The following ZNF208 variants were observed in gnomAD, a reference collection of about 807,000 sequenced individuals.
ZNF208 encodes zinc finger protein 208.
Under a neutral mutation model 12.1 loss-of-function variants are expected in ZNF208, and 10 were observed. That is an observed-to-expected ratio of 0.83 (90% confidence interval 0.51 to 1.40). The LOEUF (loss-of-function observed/expected upper bound fraction) is 1.40. ZNF208 is among the 40% of genes most tolerant of loss of function. The pLI, the probability that ZNF208 is intolerant of heterozygous loss-of-function variation, is 0.00. For missense variants in ZNF208, 1,652 were observed against 1,485.0 expected, an observed-to-expected ratio of 1.11 and a Z score of -1.85; for synonymous variants, 497 against 488.4, an observed-to-expected ratio of 1.02 and a Z score of -0.23.
At chr19:22,009,746 CA>C (rs567429006) in intron 1 of ZNF208, among the ~76,000 whole-genome samples, 2,451 of 108,156 alleles carry the variant, frequency 0.023, 40 homozygotes, top group African/African-American at 0.069. Context: ...GACTTGGTCT[CA>C]AAAAAAAAAA....
chr19:21,961,508 T>C (rs2522101), downstream of ZNF208, among the ~76,000 whole-genome samples: 93,594 of 151,710 alleles, frequency 0.62, 29,569 homozygotes, highest in African/African-American at 0.74. Flanking sequence ...CAACAGAAAA[T>C]TGGGTTCGAG....
intron 1 of ZNF208, among the ~76,000 whole-genome samples, chr19:22,004,172 TG>T: frequency 6.6e-6 from 1 of 150,740 alleles, no homozygotes; most frequent in East Asian, 2.0e-4. Context: ...GGTGAGACCC[TG>T]TCTCCAAAAA....
Position 21,974,729 on chromosome 19 carries a change from C to A in ZNF208, c.305G>T (p.Arg102Met). 7 of 1,612,676 alleles carry A rather than the reference C, an allele frequency of 4.3e-6. No individual in the cohort carries two copies. Among genetic ancestry groups the A allele is most frequent in the Non-Finnish European group, 5.9e-6 (7 of 1,179,416 alleles). Residue 102 changes from arginine (R) to methionine (M), a missense_variant, in exon 4 of 4, where the codon AGG becomes ATG. This residue lies in a region of ZNF208 where 410 missense variants were observed against 378.2 expected (regional missense o/e 1.08). Transcript: ENST00000397126. ...EDSFQKVILRRYEKCGHENLH... is the reference protein window; with the variant it reads ...EDSFQKVILRMYEKCGHENLH... ...ATTCTCATGTCCACATTTTTCATACCTTCTCAATATCACTTTTTGGAAAGA... is the reference window on the plus strand; with the variant it reads ...ATTCTCATGTCCACATTTTTCATACATTCTCAATATCACTTTTTGGAAAGA...
rs562002063 is a variant in ZNF208 at position 21,969,911 on chromosome 19, AT to A, written c.*1279del. ...GAAGATATTACTGGCATTAACAAAAATTTTTTTTTCCAGACAGTCTCTCTCT... is the reference window on the plus strand; with the variant it reads ...GAAGATATTACTGGCATTAACAAAAATTTTTTTTCCAGACAGTCTCTCTCT... On this transcript the variant is annotated 3_prime_UTR_variant, in exon 4 of 4. Coordinates refer to ENST00000397126, the MANE Select transcript of ZNF208 (RefSeq NM_007153.3). Among the ~76,000 whole-genome samples the A allele has an allele frequency of 0.018, 2,679 of 151,878 alleles. 68 individuals carry two copies. The highest frequency in any genetic ancestry group is 0.06 in the African/African-American group (2,488 of 41,422).
intron 1 of ZNF208, among the ~76,000 whole-genome samples, chr19:22,005,163 C>G (rs1971022989): frequency 6.6e-6 from 1 of 152,110 alleles, no homozygotes; most frequent in Non-Finnish European, 1.5e-5. Context: ...GCCAAAAAAA[C>G]CACTAGGATC....
downstream of ZNF208, among the ~76,000 whole-genome samples, chr19:21,962,204 G>C (rs12461800): frequency 0.15 from 23,097 of 151,970 alleles, 1,903 homozygotes; most frequent in Admixed American, 0.22. Context: ...CCCTCCATTT[G>C]GGGTCCTTGA....
At chr19:21,963,365 C>G (rs1361984944), downstream of ZNF208, among the ~76,000 whole-genome samples, 1 of 151,976 alleles carries the variant, frequency 6.6e-6, no homozygotes, top group Non-Finnish European at 1.5e-5. Context: ...AATAAACAAT[C>G]TTTTACTAAA....
At chr19:21,960,657 C>T (rs981517998) in intron 4 of ZNF208, among the ~76,000 whole-genome samples, 3 of 152,168 alleles carry the variant, frequency 2.0e-5, no homozygotes, top group African/African-American at 7.2e-5. Flanking sequence ...CCCACCTATC[C>T]TGAATGTCAA....
At chr19:21,995,734 T>G (rs996125087) in intron 1 of ZNF208, among the ~76,000 whole-genome samples, 21 of 152,332 alleles carry the variant, frequency 1.4e-4, no homozygotes, top group African/African-American at 5.1e-4. Context: ...ATAGTTGTGG[T>G]CATGGCTCTG....
downstream of ZNF208, chr19:21,965,931 T>C (rs1036362190): frequency 3.1e-4 from 47 of 151,862 alleles, no homozygotes; most frequent in African/African-American, 1.1e-3. Flanking sequence ...CACTTGAAAA[T>C]AAAACACTTT....
At chr19:22,000,152 G>A (rs181978375) in intron 1 of ZNF208, among the ~76,000 whole-genome samples, 1 of 152,266 alleles carries the variant, frequency 6.6e-6, no homozygotes, top group East Asian at 1.9e-4. Context: ...ACAGATCATT[G>A]AAGAAGAAAA....
At chr19:22,006,518 T>A (rs542611064) in intron 1 of ZNF208, among the ~76,000 whole-genome samples, 1 of 152,252 alleles carries the variant, frequency 6.6e-6, no homozygotes, top group Admixed American at 6.5e-5. Context: ...ACCTCTTCTA[T>A]CTTAACCTTA....
In ZNF208 at chr19:21,968,609, T is replaced by C. The variant is rs1329595132; in HGVS notation, c.*2582A>G. The C allele has an allele frequency of 6.6e-6, 1 of 152,178 alleles. No homozygotes were observed. The highest frequency in any genetic ancestry group is 1.9e-4 in the East Asian group (1 of 5,190). 9.4% of individuals were successfully genotyped at this position (152,178 alleles called of 1,614,324 possible). A position where few individuals can be genotyped will look rare whatever the true frequency, so the allele number is the denominator to read the frequency against. ...TTTGCTAGTATTTCATGGAGGATTA[T>C]TATTCCAATATTCACCCAGAATATT... On this transcript the variant is annotated 3_prime_UTR_variant, in exon 4 of 4. Coordinates refer to ENST00000397126, the MANE Select transcript of ZNF208 (RefSeq NM_007153.3).
At position 21,973,742 on chromosome 19, in the gene ZNF208, C is replaced by A; in HGVS notation, c.1292G>T (p.Gly431Val). 2 of 1,612,730 alleles carry A rather than the reference C, an allele frequency of 1.2e-6. No individual in the cohort carries two copies. The highest frequency in any genetic ancestry group is 1.1e-5 in the South Asian group (1 of 90,948). The part of the protein sequence containing the change: ...GEKPYKCEEC[G>V]KAFNWSSNLM... ...GTTTGAGGACCAGTTGAAAGCTTTG[C>A]CACATTCTTCACATTTGTAGGGTTT... Residue 431 changes from glycine to valine, a missense_variant, in exon 4 of 4, where the codon GGC becomes GTC. Physicochemically the swap from Gly to Val is moderately radical, Grantham distance 109. Around this residue, in one of 3 missense-constraint regions of ZNF208, gnomAD observed 1,239 missense variants for 1,086.2 expected, o/e 1.14. Coordinates refer to ENST00000397126, the MANE Select transcript of ZNF208 (RefSeq NM_007153.3).
At chr19:21,950,290 T>C (rs573481334) in intron 4 of ZNF208, among the ~76,000 whole-genome samples, 62 of 152,262 alleles carry the variant, frequency 4.1e-4, no homozygotes, top group African/African-American at 1.3e-3. Flanking sequence ...GATGCAAGCA[T>C]AGAAGGCCCT....
intron 2 of ZNF208, 67 bp from the exon 3 acceptor site, chr19:21,987,378 C>A (rs1303565125): frequency 2.8e-6 from 4 of 1,454,296 alleles, no homozygotes; most frequent in Admixed American, 2.1e-5. Flanking sequence ...CAGTAATGTG[C>A]TCAGTAAAGA....
chr19:21,943,323 CA>C (rs373961561), intron 4 of ZNF208, among the ~76,000 whole-genome samples: 3 of 151,942 alleles, frequency 2.0e-5, no homozygotes, highest in Non-Finnish European at 4.4e-5. Context: ...TGTAAATAAA[CA>C]AAAAAATACA....
intron 3 of ZNF208, among the ~76,000 whole-genome samples, chr19:21,979,665 G>A (rs575742321): frequency 8.5e-5 from 13 of 152,236 alleles, no homozygotes; most frequent in African/African-American, 3.1e-4. Context: ...TGAAGAAACT[G>A]CATCAACTAA....
intron 3 of ZNF208, chr19:21,986,907 A>T (rs530600103): frequency 2.4e-6 from 1 of 413,478 alleles, no homozygotes; most frequent in Non-Finnish European, 4.2e-6. Flanking sequence ...AATCATGCAG[A>T]TATCTGTGTG....
Sources: gnomAD v4.1 joint callset for allele counts (sites outside exome capture counted in the v4.1 genomes callset) on GRCh38, gnomAD v4.1.1 for gene constraint, gnomAD v4.1.1 regional missense constraint, MANE v1.5 for transcripts, NCBI Gene and HGNC (gene_info 2026-07-23, HGNC 2026-07-21) for gene names.